TEK: variants seen among roughly 807,000 people sequenced by gnomAD.
The protein encoded by TEK is angiopoietin-1 receptor.
Under a neutral mutation model 131.8 loss-of-function variants are expected in TEK, and 43 were observed. The ratio of observed to expected loss-of-function variants is 0.33; its 90% confidence interval spans 0.26 to 0.42. The LOEUF (loss-of-function observed/expected upper bound fraction) is 0.42. Among genes scored for constraint, TEK ranks in the 10% least tolerant of loss-of-function variants. TEK has a pLI of 1.00. For synonymous variants in TEK, 580 were observed against 491.6 expected (o/e 1.18, Z -2.38); for missense variants, 1,162 against 1,384.4 (o/e 0.84, Z 2.55).
intron 17 of TEK, 69 bp from the exon 18 acceptor site, chr9:27,213,415 G>A (rs1564102822): frequency 8.8e-7 from 1 of 1,136,570 alleles, no homozygotes; most frequent in Non-Finnish European, 1.3e-6. Context: ...TTTCTTTCCT[G>A]TTCCCCAAAG....
Position 27,229,338 on chromosome 9 carries a change from C to A in TEK, c.*106C>A. On this transcript the variant is annotated 3_prime_UTR_variant, in exon 23 of 23. Transcript: ENST00000380036. ...CCAAAGGATGTGATATATAAGTGTA[C>A]ATATGTGCTGTACACCTGGGACCTT... The A allele has an allele frequency of 9.1e-7, 1 of 1,100,682 alleles. No individual in the cohort carries two copies. Among genetic ancestry groups the A allele is most frequent in the Non-Finnish European group, 1.4e-6 (1 of 718,452 alleles). 68.2% of individuals were successfully genotyped at this position (1,100,682 alleles called of 1,614,324 possible).
At chr9:27,214,156 G>T (rs1273354311) in intron 18 of TEK, among the ~76,000 whole-genome samples, 2 of 152,156 alleles carry the variant, frequency 1.3e-5, no homozygotes, top group African/African-American at 2.4e-5. Flanking sequence ...CAAGATTGCA[G>T]GAGAACCTAA....
intron 9 of TEK, among the ~76,000 whole-genome samples, chr9:27,187,471 A>G (rs1824640692): frequency 6.6e-6 from 1 of 152,190 alleles, no homozygotes; most frequent in African/African-American, 2.4e-5. Flanking sequence ...GAATGGCTGT[A>G]TTATGTTCAA....
intron 18 of TEK, among the ~76,000 whole-genome samples, chr9:27,216,494 G>A (rs1165305892): frequency 6.6e-6 from 1 of 152,216 alleles, no homozygotes; most frequent in Non-Finnish European, 1.5e-5. Flanking sequence ...TGTAGAGAGA[G>A]TTAGAATAAC....
intron 20 of TEK, 140 bp downstream of exon 20, chr9:27,218,957 G>A: frequency 1.2e-6 from 1 of 865,862 alleles, no homozygotes; most frequent in Non-Finnish European, 1.9e-6. Flanking sequence ...GAAACATAGT[G>A]TATTAATTCC....
intron 21 of TEK, among the ~76,000 whole-genome samples, chr9:27,225,277 G>C (rs1266534176): frequency 6.6e-6 from 1 of 152,178 alleles, no homozygotes; most frequent in Non-Finnish European, 1.5e-5. Flanking sequence ...AGCCTGCATA[G>C]CCAAGACAAT....
chr9:27,128,839 C>G lies in TEK; in HGVS notation c.52+19197C>G, dbSNP rs140405195. 9.9e-3 allele frequency among the ~76,000 whole-genome samples: 1,506 copies of G among 152,296 alleles called. 21 individuals carry two copies. Among genetic ancestry groups the G allele is most frequent in the African/African-American group, 0.034 (1,434 of 41,568 alleles). On this transcript the variant is annotated intron_variant, in intron 1 of 22. Transcript: ENST00000380036. ...TGCACATTGATTTTCTATCCTGAGA[C>G]TTTGCTGAATTTGCTTATCAGCTTG...
chr9:27,225,168 A>G (rs1238327684), intron 21 of TEK, among the ~76,000 whole-genome samples: 1 of 152,116 alleles, frequency 6.6e-6, no homozygotes, highest in Admixed American at 6.6e-5. Flanking sequence ...ATATTGTGAA[A>G]ATGGCCACAC....
At chr9:27,217,564 C>T in intron 18 of TEK, 124 bp from the exon 19 acceptor site, 7 of 806,412 alleles carry the variant, frequency 8.7e-6, no homozygotes, top group Admixed American at 5.9e-5. Context: ...GTAGCTGGGA[C>T]ATACACAAAG....
intron 1 of TEK, among the ~76,000 whole-genome samples, chr9:27,115,137 T>C (rs893136813): frequency 6.6e-6 from 1 of 152,200 alleles, no homozygotes; most frequent in Non-Finnish European, 1.5e-5. Context: ...TTACAAAATC[T>C]GAGCTTTTCA....
At chr9:27,183,331 A>G in intron 7 of TEK, 128 bp from the exon 8 acceptor site, 4 of 1,052,976 alleles carry the variant, frequency 3.8e-6, no homozygotes, top group Non-Finnish European at 5.8e-6. Flanking sequence ...TTATGTGATG[A>G]CAAAACAGTA....
intron 1 of TEK, among the ~76,000 whole-genome samples, chr9:27,118,583 C>T (rs892120787): frequency 3.9e-5 from 6 of 152,144 alleles, no homozygotes; most frequent in Non-Finnish European, 4.4e-5. Flanking sequence ...GCATGAATGT[C>T]GTGATCATGC....
intron 6 of TEK, among the ~76,000 whole-genome samples, chr9:27,179,935 A>G (rs577106662): frequency 3.3e-5 from 5 of 152,184 alleles, no homozygotes; most frequent in Admixed American, 1.3e-4. Context: ...CCAAATTTCA[A>G]TTCCCCTCCA....
intron 13 of TEK, among the ~76,000 whole-genome samples, chr9:27,203,994 G>C (rs761643379): frequency 1.3e-5 from 2 of 152,186 alleles, no homozygotes; most frequent in Non-Finnish European, 2.9e-5. Flanking sequence ...TGAAGAGTCT[G>C]CCAAATATAG....
At chr9:27,124,372 A>T (rs1821910042) in intron 1 of TEK, among the ~76,000 whole-genome samples, 1 of 152,202 alleles carries the variant, frequency 6.6e-6, no homozygotes, top group South Asian at 2.1e-4. Flanking sequence ...GGTTTCCTGG[A>T]TGACTCTGCG....
intron 2 of TEK, among the ~76,000 whole-genome samples, chr9:27,161,432 A>T (rs1024409809): frequency 6.6e-6 from 1 of 152,268 alleles, no homozygotes; most frequent in African/African-American, 2.4e-5. Context: ...CGATTTACAC[A>T]GTGAACGTTG....
intron 1 of TEK, among the ~76,000 whole-genome samples, chr9:27,145,404 T>C (rs971605288): frequency 6.6e-6 from 1 of 152,164 alleles, no homozygotes; most frequent in African/African-American, 2.4e-5. Context: ...CGTCCTTCCT[T>C]CTAAGGGTGT....
At chr9:27,171,929 C>T (rs913225164) in intron 4 of TEK, among the ~76,000 whole-genome samples, 5 of 152,062 alleles carry the variant, frequency 3.3e-5, no homozygotes, top group Non-Finnish European at 7.4e-5. Context: ...GATATAACAC[C>T]ATGTACTAGG....
intron 9 of TEK, among the ~76,000 whole-genome samples, chr9:27,187,734 C>A (rs7029924): frequency 6.6e-6 from 1 of 151,842 alleles, no homozygotes; most frequent in South Asian, 2.1e-4. Context: ...ATTTCTTCTG[C>A]GGCTTCTCTC....
Sources: gnomAD v4.1 joint callset for allele counts (sites outside exome capture counted in the v4.1 genomes callset) on GRCh38, gnomAD v4.1.1 for gene constraint, MANE v1.5 for transcripts, NCBI Gene and HGNC (gene_info 2026-07-23, HGNC 2026-07-21) for gene names.